The following CNTLN variants were observed in gnomAD, a reference collection of about 807,000 sequenced individuals.
CNTLN encodes centlein, also known as centlein, centrosomal protein.
CNTLN carries 212 observed loss-of-function variants against 180.0 expected under a neutral mutation model. The observed-to-expected ratio is 1.18, with a 90% CI of 1.05 to 1.32. The LOEUF (loss-of-function observed/expected upper bound fraction) is 1.32, where lower values mean the gene tolerates loss of function less well. Ranked by LOEUF, CNTLN falls within the 40% of genes most tolerant of loss-of-function variation. The pLI is 0.00. For missense variants in CNTLN, 2,095 were observed against 1,610.9 expected (o/e 1.30, Z -5.14); for synonymous variants, 722 against 563.1 (o/e 1.28, Z -3.99).
chr9:17,526,678 C>T, the CNTLN span, among the ~76,000 whole-genome samples: 1 of 152,154 alleles, frequency 6.6e-6, no homozygotes, highest in African/African-American at 2.4e-5. Context: ...CTTTCATTAG[C>T]CCCAATAGCC....
In CNTLN at chr9:17,480,873, T is replaced by A. The variant is rs1174244921; in HGVS notation, c.3856-3422T>A. On this transcript the variant is annotated intron_variant, in intron 23 of 25. Coordinates refer to ENST00000380647, the MANE Select transcript of CNTLN (RefSeq NM_017738.4). ...AAATGTAACTTTGAATTTTAGATAT[T>A]AGAAAAATAATACAAATGAAGTGTA... Among the ~76,000 whole-genome samples, 6 of 152,154 alleles carry A rather than the reference T, an allele frequency of 3.9e-5. No individual in the cohort carries two copies. The East Asian group carries it at 1.2e-3, about 29-fold the overall frequency.
At chr9:17,513,331 A>C in the CNTLN span, among the ~76,000 whole-genome samples, 3 of 152,138 alleles carry the variant, frequency 2.0e-5, no homozygotes, top group African/African-American at 7.2e-5. Context: ...TCTATTTAAA[A>C]GAGAATTAAT....
chr9:17,288,589 T>C (rs1259678137), intron 6 of CNTLN, among the ~76,000 whole-genome samples: 2 of 129,934 alleles, frequency 1.5e-5, no homozygotes, highest in East Asian at 2.1e-4. Flanking sequence ...CGTTGATCTG[T>C]CTAATGTTGA....
intron 18 of CNTLN, among the ~76,000 whole-genome samples, chr9:17,446,110 A>G (rs1453618505): frequency 6.6e-6 from 1 of 152,158 alleles, no homozygotes; most frequent in Non-Finnish European, 1.5e-5. Context: ...TTGTCTTGTG[A>G]CCCTGACACA....
chr9:17,301,605 G>T (rs1307102637), intron 7 of CNTLN: 4 of 983,296 alleles, frequency 4.1e-6, no homozygotes, highest in Non-Finnish European at 4.8e-6. Context: ...CTTTGAAATT[G>T]TACCTCCCAC....
the CNTLN span, among the ~76,000 whole-genome samples, chr9:17,520,285 T>C: frequency 6.6e-6 from 1 of 152,158 alleles, no homozygotes; most frequent in South Asian, 2.1e-4. Flanking sequence ...CCACTGCAAG[T>C]GTTACAGGGG....
At chr9:17,259,592 A>G (rs1475782333) in intron 5 of CNTLN, among the ~76,000 whole-genome samples, 2 of 150,658 alleles carry the variant, frequency 1.3e-5, no homozygotes, top group African/African-American at 2.5e-5. Flanking sequence ...TCGGCTGTGA[A>G]TCCATCTGGT....
chr9:17,249,347 T>TTG lies in CNTLN; in HGVS notation c.849+12760_849+12761insGT, dbSNP rs1234139150. ...TTTGATCCATTGGTTCTTTGATTGTTTTTTTTGTTTTTTTTTTTTGAGCTG... is the reference window on the plus strand; with the variant it reads ...TTTGATCCATTGGTTCTTTGATTGTTTGTTTTTTGTTTTTTTTTTTTGAGCTG... On this transcript the variant is annotated intron_variant, in intron 5 of 25. Coordinates refer to ENST00000380647, the MANE Select transcript of CNTLN (RefSeq NM_017738.4). Among the ~76,000 whole-genome samples, 106 of 128,570 alleles carry TTG rather than the reference T, an allele frequency of 8.2e-4. 1 individual carries two copies. Among genetic ancestry groups the TTG allele is most frequent in the Non-Finnish European group, 1.5e-3 (91 of 62,738 alleles). The allele number at this position is 128,570 out of a possible 152,430, so 84.3% of individuals were successfully genotyped here.
chr9:17,265,461 T>G (rs1827348556), intron 5 of CNTLN, among the ~76,000 whole-genome samples: 1 of 151,992 alleles, frequency 6.6e-6, no homozygotes, highest in South Asian at 2.1e-4. Flanking sequence ...TATTGAGGAT[T>G]TTTACATCAA....
chr9:17,482,451 C>A (rs1185897738), intron 23 of CNTLN, among the ~76,000 whole-genome samples: 1 of 151,924 alleles, frequency 6.6e-6, no homozygotes, highest in Non-Finnish European at 1.5e-5. Flanking sequence ...CAGATAAAGA[C>A]CTAAACAAAT....
intron 8 of CNTLN, among the ~76,000 whole-genome samples, chr9:17,327,018 C>A (rs1030879903): frequency 6.6e-6 from 1 of 151,898 alleles, no homozygotes; most frequent in Non-Finnish European, 1.5e-5. Flanking sequence ...AATATTGGTT[C>A]AGTAATTGTA....
At chr9:17,527,919 G>A in the CNTLN span, among the ~76,000 whole-genome samples, 1 of 151,954 alleles carries the variant, frequency 6.6e-6, no homozygotes, top group East Asian at 1.9e-4. Flanking sequence ...GTCCCCAGTG[G>A]CTAAAACTGG....
At chr9:17,258,328 T>A (rs1826673544) in intron 5 of CNTLN, among the ~76,000 whole-genome samples, 1 of 149,180 alleles carries the variant, frequency 6.7e-6, no homozygotes, top group South Asian at 2.1e-4. Flanking sequence ...TTCTGTTCCA[T>A]TGATCTATAT....
chr9:17,268,404 C>A (rs1024686970), intron 5 of CNTLN, among the ~76,000 whole-genome samples: 3 of 152,160 alleles, frequency 2.0e-5, no homozygotes, highest in Admixed American at 6.5e-5. Context: ...GAAGTTTTGT[C>A]TCAGAGGAGT....
At chr9:17,424,304 T>G (rs892912301) in intron 18 of CNTLN, among the ~76,000 whole-genome samples, 30 of 152,150 alleles carry the variant, frequency 2.0e-4, no homozygotes, top group African/African-American at 6.5e-4. Context: ...AATGATCAGA[T>G]TTTTGACTTA....
chr9:17,515,219 G>C, the CNTLN span, among the ~76,000 whole-genome samples: 2 of 152,012 alleles, frequency 1.3e-5, no homozygotes, highest in Admixed American at 1.3e-4. Context: ...TTTGCTTCTT[G>C]TACCCCACTC....
intron 2 of CNTLN, among the ~76,000 whole-genome samples, chr9:17,193,111 C>T (rs1002653199): frequency 6.6e-6 from 1 of 152,046 alleles, no homozygotes; most frequent in Non-Finnish European, 1.5e-5. Flanking sequence ...GTTATCTCAC[C>T]GGCTCCCTCC....
chr9:17,510,811 A>G, the CNTLN span, among the ~76,000 whole-genome samples: 2 of 152,214 alleles, frequency 1.3e-5, no homozygotes, highest in Non-Finnish European at 1.5e-5. Context: ...AGTTTTGGCT[A>G]TTGCATATAA....
At chr9:17,143,522 T>A in intron 2 of CNTLN, 146 bp downstream of exon 2, 1 of 633,210 alleles carries the variant, frequency 1.6e-6, no homozygotes, top group East Asian at 3.0e-5. Context: ...AATTGTTGGA[T>A]TTATTATGAA....
Sources: allele counts gnomAD v4.1 joint callset (sites outside exome capture counted in the v4.1 genomes callset), GRCh38; gene constraint gnomAD v4.1.1; transcripts MANE v1.5; gene names NCBI Gene and HGNC (gene_info 2026-07-23, HGNC 2026-07-21).